CNTRL: variants seen among roughly 807,000 people sequenced by gnomAD.
CNTRL encodes the protein centriolin.
Under a neutral mutation model 303.7 loss-of-function variants are expected in CNTRL, and 233 were observed. That is an observed-to-expected ratio of 0.77 (90% CI 0.69 to 0.86). The LOEUF is 0.86. Ranked by LOEUF, CNTRL falls within the 40% of genes least tolerant of loss-of-function variation. The pLI, the probability that CNTRL is intolerant of heterozygous loss-of-function variation, is 0.00. For missense variants in CNTRL, 2,524 were observed against 2,650.6 expected (o/e 0.95, Z 1.05); for synonymous variants, 900 against 922.2 (o/e 0.98, Z 0.44).
At chr9:121,124,615 A>G (rs1033410159) in intron 13 of CNTRL, among the ~76,000 whole-genome samples, 1 of 152,008 alleles carries the variant, frequency 6.6e-6, no homozygotes, top group Admixed American at 6.6e-5. Flanking sequence ...TTTTATCTCA[A>G]TCATTAGTTG....
In CNTRL at chr9:121,173,328, T is replaced by C. The variant is rs1564308970; in HGVS notation, c.6503T>C (p.Ile2168Thr). Residue 2168 changes from isoleucine to threonine, a missense_variant, in exon 41 of 44, where the codon ATC becomes ACC. Ile to Thr is a moderately conservative substitution (Grantham distance 89, BLOSUM62 -1). Coordinates refer to ENST00000373855, the MANE Select transcript of CNTRL (RefSeq NM_007018.6). ...RTLKSEVKDEIRTSLKNLNQF... is the reference protein window; with the variant it reads ...RTLKSEVKDETRTSLKNLNQF... ...CTTAAATCTGAGGTGAAGGATGAAA[T>C]CAGAACCAGCTTGAAGAATCTTAAT... 1.9e-6 allele frequency: 3 copies of C among 1,614,102 alleles called. No homozygotes were observed. Among genetic ancestry groups the C allele is most frequent in the Non-Finnish European group, 2.5e-6 (3 of 1,180,006 alleles).
Position 121,175,192 on chromosome 9 carries a change from C to T in CNTRL, c.6922C>T (p.Leu2308Phe). ...CAGTCTGTCTCAGCTGGAGTCTTCC[C>T]TCACAGAGGACTCTCAACTTGGACA... Reference protein sequence around the residue: ...SPSLSQLESSLTEDSQLGQNQ... With the variant: ...SPSLSQLESSFTEDSQLGQNQ... Residue 2308 changes from leucine to phenylalanine, a missense_variant, in exon 43 of 44, where the codon CTC becomes TTC. Leu to Phe is a conservative substitution (Grantham distance 22). Coordinates refer to ENST00000373855, the MANE Select transcript of CNTRL (RefSeq NM_007018.6). The T allele has an allele frequency of 5.0e-6, 8 of 1,614,132 alleles. No homozygotes were observed. The highest frequency in any genetic ancestry group is 6.8e-6 in the Non-Finnish European group (8 of 1,180,030).
intron 36 of CNTRL, among the ~76,000 whole-genome samples, 183 bp from the exon 37 acceptor site, chr9:121,167,306 C>CAA (rs34581990): frequency 0.13 from 19,596 of 148,880 alleles, 1,351 homozygotes; most frequent in East Asian, 0.19. Flanking sequence ...GCAAGACTGT[C>CAA]AAAAAAAAAA....
At chr9:121,123,891 A>G (rs2050367543) in intron 12 of CNTRL, 40 bp from the exon 13 acceptor site, 3 of 1,503,282 alleles carry the variant, frequency 2.0e-6, no homozygotes, top group Non-Finnish European at 2.7e-6. Flanking sequence ...AAAGGAGTTT[A>G]AGGAACTTGG....
At chr9:121,152,385 T>C (rs2052324825) in intron 25 of CNTRL, 100 bp from the exon 26 acceptor site, 1 of 930,152 alleles carries the variant, frequency 1.1e-6, no homozygotes, top group African/African-American at 1.7e-5. Flanking sequence ...TTTGGGCCAT[T>C]GATACCACTT....
At chr9:121,096,643 G>T in intron 6 of CNTRL, 80 bp downstream of exon 6, 1 of 1,173,926 alleles carries the variant, frequency 8.5e-7, no homozygotes, top group Non-Finnish European at 1.1e-6. Flanking sequence ...TTTAAAAATG[G>T]GATTTCTTCT....
At position 121,150,506 on chromosome 9, in the gene CNTRL, C is replaced by G. The variant is rs201074202; in HGVS notation, c.3963+23C>G. On this transcript the variant is annotated intron_variant, in intron 25 of 43. Transcript: ENST00000373855. Reference sequence around the variant, plus strand: ...TTAGTAAGTGGAAAGACATACAACTCTCTTTCCACACTGCTTCCATGGGTG... The same window carrying G: ...TTAGTAAGTGGAAAGACATACAACTGTCTTTCCACACTGCTTCCATGGGTG... 16 of 1,600,906 alleles carry G rather than the reference C, an allele frequency of 1.0e-5. No individual in the cohort carries two copies. In the East Asian group the frequency reaches 3.4e-4, roughly 34 times the overall value.
intron 7 of CNTRL, among the ~76,000 whole-genome samples, chr9:121,104,759 T>C (rs1348685725): frequency 1.4e-5 from 2 of 139,832 alleles, no homozygotes; most frequent in Non-Finnish European, 3.0e-5. Flanking sequence ...TGGAGTGCAA[T>C]GGTGCGATCT....
rs575914959 is a variant in CNTRL at position 121,125,294 on chromosome 9, A to G, written c.1805-422A>G. Among the ~76,000 whole-genome samples, 3 of 151,648 alleles carry G rather than the reference A, an allele frequency of 2.0e-5. No homozygotes were observed. In the East Asian group the frequency reaches 5.9e-4, roughly 30 times the overall value. ...GTGATCCTCCTGCCTCAGCCTCGTG[A>G]GTAGCAGGGACTACAGGCACATGCC... On this transcript the variant is annotated intron_variant, in intron 13 of 43. Transcript: ENST00000373855.
rs376244987 is a variant in CNTRL, at chr9:121,165,070, G to A, written c.5551G>A (p.Asp1851Asn). The change falls in exon 35 of 44, where the codon GAC (aspartate) becomes AAC (asparagine). Residue 1851 changes from aspartate to asparagine, a missense_variant. Coordinates refer to ENST00000373855, the MANE Select transcript of CNTRL (RefSeq NM_007018.6). ...LNRDKLSLHN[D>N]ISAMQQQLQE... is the part of the protein sequence containing the mutation. Reference sequence around the variant, plus strand: ...CAGAGACAAGTTGTCACTGCATAACGACATTTCAGCAATGCAACAGCAGCT... The same window carrying A: ...CAGAGACAAGTTGTCACTGCATAACAACATTTCAGCAATGCAACAGCAGCT... The A allele has an allele frequency of 2.3e-5, 37 of 1,596,836 alleles. No individual in the cohort carries two copies. The highest frequency in any genetic ancestry group is 3.5e-5 in the Admixed American group (2 of 56,460).
chr9:121,107,965 C>T lies in CNTRL; in HGVS notation c.972C>T (p.Leu324=). The T allele has an allele frequency of 6.3e-7, 1 of 1,587,648 alleles. No individual in the cohort carries two copies. Residue 324 remains leucine, a synonymous_variant, in exon 8 of 44, where the codon CTC becomes CTT. Transcript: ENST00000373855. ...AMLQKQSCEE[L]KSDLNTKNEL... ...TACAGAAACAGAGCTGTGAGGAACT[C>T]AAGAGTGACTTAAACACAAAAAATG...
rs35861072 is a variant in CNTRL, at chr9:121,088,441, A to G, written c.115A>G (p.Ile39Val). Residue 39 changes from isoleucine (I) to valine (V), a missense_variant, in exon 3 of 44, where the codon ATT (isoleucine) becomes GTT (valine). By Grantham distance (29) the Ile-to-Val change is conservative (BLOSUM62 3). Transcript: ENST00000373855. ...NMRSRSLSPL[I>V]GSETLPFHSG... The stretch of plus-strand genomic sequence containing the variant: ...GAGATCTAGGTCACTTTCACCTTTG[A>G]TTGGATCAGAGACTCTACCTTTTCA... 1,108 of 1,612,452 alleles carry G rather than the reference A, an allele frequency of 6.9e-4. 11 individuals are homozygous for G. In the African/African-American group the frequency reaches 0.013, roughly 19 times the overall value.
chr9:121,099,484 T>G (rs1208332762), intron 7 of CNTRL, among the ~76,000 whole-genome samples: 2 of 152,086 alleles, frequency 1.3e-5, no homozygotes, highest in Non-Finnish European at 2.9e-5. Context: ...ATTCTAAAAA[T>G]CAGAGCGCCT....
At chr9:121,085,424 CAG>C (rs138399881) in intron 2 of CNTRL, among the ~76,000 whole-genome samples, 36 of 149,454 alleles carry the variant, frequency 2.4e-4, no homozygotes, top group East Asian at 9.7e-4. Context: ...AATATGCATA[CAG>C]AGAGAGAGAG....
At chr9:121,143,862 C>A (rs1047149142) in intron 19 of CNTRL, 41 bp from the exon 20 acceptor site, 6 of 1,495,102 alleles carry the variant, frequency 4.0e-6, no homozygotes, top group Non-Finnish European at 5.5e-6. Flanking sequence ...TCATTCCTGC[C>A]AAATGATTCA....
chr9:121,099,755 G>A (rs2049056876), intron 7 of CNTRL, among the ~76,000 whole-genome samples: 4 of 152,112 alleles, frequency 2.6e-5, no homozygotes, highest in Admixed American at 6.5e-5. Context: ...AGAACTACGT[G>A]ACACATGCAC....
At chr9:121,175,451 A>G (rs2053482710) in intron 43 of CNTRL, among the ~76,000 whole-genome samples, 1 of 152,038 alleles carries the variant, frequency 6.6e-6, no homozygotes, top group Non-Finnish European at 1.5e-5. Flanking sequence ...AATTTTTTGT[A>G]GAGATGGAGG....
chr9:121,157,771 C>G lies in CNTRL; in HGVS notation c.4528C>G (p.Gln1510Glu). Residue 1510 changes from glutamine (Q) to glutamate (E), a missense_variant, in exon 29 of 44, where the codon CAG becomes GAG. Gln to Glu is a conservative substitution (Grantham distance 29). Transcript: ENST00000373855. ...SLQADAKDLE[Q>E]HKIKQEEILK... ...CCAGGCTGATGCAAAGGATTTGGAG[C>G]AGCACAAAATCAAGCAAGAAGAAAT... 1.2e-6 allele frequency: 2 copies of G among 1,614,056 alleles called. No homozygotes were observed.
intron 2 of CNTRL, among the ~76,000 whole-genome samples, chr9:121,084,765 C>T (rs1033481855): frequency 5.9e-5 from 9 of 152,046 alleles, no homozygotes; most frequent in Non-Finnish European, 1.0e-4. Context: ...AGGATGGTCT[C>T]GATCTCCTGA....
Sources: allele counts gnomAD v4.1 joint callset (sites outside exome capture counted in the v4.1 genomes callset), GRCh38; gene constraint gnomAD v4.1.1; transcripts MANE v1.5; gene names NCBI Gene and HGNC (gene_info 2026-07-23, HGNC 2026-07-21).